The following PLXNA1 variants were observed in gnomAD, a reference collection of about 807,000 sequenced individuals.
PLXNA1 encodes plexin A1.
In PLXNA1, 77 loss-of-function variants were observed where a neutral mutation model predicts 191.7. The ratio of observed to expected loss-of-function variants is 0.40; its 90% CI spans 0.33 to 0.49. PLXNA1 has a LOEUF of 0.49. Ranked by LOEUF, PLXNA1 falls within the 20% of genes least tolerant of loss-of-function variation. The pLI is 0.63. For synonymous variants in PLXNA1, 1,137 were observed against 1,156.4 expected (o/e 0.98, Z 0.34); for missense variants, 2,110 against 2,660.2 (o/e 0.79, Z 4.55).
chr3:126,984,877 T>C (rs924494240), intron 1 of PLXNA1, among the ~76,000 whole-genome samples: 13 of 152,208 alleles, frequency 8.5e-5, no homozygotes. Flanking sequence ...GGGGAAGGCC[T>C]GCAAAGGTAG....
At chr3:127,018,258 A>T in intron 19 of PLXNA1, 36 bp from the exon 20 acceptor site, 1 of 1,526,326 alleles carries the variant, frequency 6.6e-7, no homozygotes. Context: ...TGTGGAAAGC[A>T]TGGGAAGCTC....
intron 19 of PLXNA1, 63 bp downstream of exon 19, chr3:127,017,955 C>G: frequency 6.3e-7 from 1 of 1,588,952 alleles, no homozygotes; most frequent in Non-Finnish European, 8.5e-7. Context: ...GACCCTGCCC[C>G]ACTAGCACAG....
At chr3:126,986,597 T>C (rs1048854100) in intron 1 of PLXNA1, among the ~76,000 whole-genome samples, 2 of 152,180 alleles carry the variant, frequency 1.3e-5, no homozygotes, top group Admixed American at 1.3e-4. Context: ...TGAGTCTTCC[T>C]GGGTCCCTGG....
chr3:126,995,826 G>A (rs1323026709), intron 3 of PLXNA1, among the ~76,000 whole-genome samples: 1 of 152,208 alleles, frequency 6.6e-6, no homozygotes, highest in Non-Finnish European at 1.5e-5. Context: ...CTGGGGCCTT[G>A]GTTTCCTTCC....
At chr3:127,012,317 T>A (rs1288290837) in intron 10 of PLXNA1, among the ~76,000 whole-genome samples, 159 bp downstream of exon 10, 1 of 152,276 alleles carries the variant, frequency 6.6e-6, no homozygotes, top group East Asian at 1.9e-4. Context: ...CCCAGGCCAT[T>A]GCCAGGCCCT....
chr3:127,028,693 T>G, intron 25 of PLXNA1: 1 of 532,900 alleles, frequency 1.9e-6, no homozygotes, highest in East Asian at 3.2e-5. Context: ...GCTGCAGATG[T>G]GACTGGAGAG....
At chr3:127,032,103 C>T (rs1234031749) in intron 29 of PLXNA1, 3 of 423,598 alleles carry the variant, frequency 7.1e-6, no homozygotes, top group Non-Finnish European at 1.3e-5. Flanking sequence ...GAGTGGGCCC[C>T]TGAGGGCCTG....
At chr3:127,011,253 C>T (rs1164473202) in intron 9 of PLXNA1, among the ~76,000 whole-genome samples, 1 of 152,218 alleles carries the variant, frequency 6.6e-6, no homozygotes, top group Non-Finnish European at 1.5e-5. Flanking sequence ...AGCATCCCTG[C>T]AGACCCAGAG....
At chr3:127,026,128 C>T (rs1227915855) in intron 23 of PLXNA1, among the ~76,000 whole-genome samples, 12 of 152,156 alleles carry the variant, frequency 7.9e-5, no homozygotes, top group African/African-American at 7.2e-5. Flanking sequence ...TCCTTTTCCC[C>T]GTCACTGCAC....
intron 21 of PLXNA1, among the ~76,000 whole-genome samples, chr3:127,021,135 G>A (rs2079150418): frequency 6.6e-6 from 1 of 152,152 alleles, no homozygotes; most frequent in Non-Finnish European, 1.5e-5. Flanking sequence ...TTGGTGGGAA[G>A]TCCCTTTTGA....
intron 3 of PLXNA1, among the ~76,000 whole-genome samples, chr3:126,992,112 C>T (rs1272736613): frequency 1.3e-5 from 2 of 152,058 alleles, no homozygotes; most frequent in Non-Finnish European, 2.9e-5. Flanking sequence ...GCTGGCCCCA[C>T]GGTGGCAGGG....
chr3:127,031,858 A>G lies in PLXNA1; in HGVS notation c.5232-529A>G, dbSNP rs187648028. The G allele has an allele frequency of 2.3e-4, 38 of 164,304 alleles. No homozygotes were observed. In the East Asian group the frequency reaches 5.3e-3, roughly 23 times the overall value. The allele number at this position is 164,304 out of a possible 1,614,324, so 10.2% of individuals were successfully genotyped here. On this transcript the variant is annotated intron_variant, in intron 29 of 31. Coordinates refer to ENST00000393409, the MANE Select transcript of PLXNA1 (RefSeq NM_032242.4). ...GGGTGGTGGCTCCTGAGCCTTTGAA[A>G]TGGCACTGGTGTGGCTGAGTGTCTG... is the stretch of plus-strand genomic sequence containing the variant.
chr3:127,006,332 G>A (rs78745973), intron 8 of PLXNA1, among the ~76,000 whole-genome samples, 154 bp downstream of exon 8: 15,443 of 152,160 alleles, frequency 0.1, 1,005 homozygotes, highest in East Asian at 0.24. Flanking sequence ...GAGGCTGGGC[G>A]GTCAGGGAGG....
At chr3:127,015,146 C>A in intron 14 of PLXNA1, 38 bp from the exon 15 acceptor site, 1 of 1,588,302 alleles carries the variant, frequency 6.3e-7, no homozygotes, top group Non-Finnish European at 8.6e-7. Flanking sequence ...CCGAGGGGGA[C>A]TTTCCTGAGA....
chr3:126,992,312 G>T (rs2078994668), intron 3 of PLXNA1, among the ~76,000 whole-genome samples: 1 of 152,144 alleles, frequency 6.6e-6, no homozygotes, highest in African/African-American at 2.4e-5. Context: ...GAAGGGTGGG[G>T]ATACTTGGAC....
At chr3:127,009,995 C>A (rs552885190) in intron 9 of PLXNA1, among the ~76,000 whole-genome samples, 3 of 152,212 alleles carry the variant, frequency 2.0e-5, no homozygotes, top group Non-Finnish European at 2.9e-5. Flanking sequence ...AGTTGCATGC[C>A]CCGCCAGTCA....
chr3:126,987,544 G>A lies in PLXNA1; in HGVS notation c.-73-977G>A, dbSNP rs564990281. Among the ~76,000 whole-genome samples the A allele has an allele frequency of 7.2e-5, 11 of 152,278 alleles. No individual in the cohort carries two copies. In the South Asian group the frequency reaches 2.3e-3, roughly 32 times the overall value. Reference sequence around the variant, plus strand: ...TGACCAGGAAGTGAGGGCCCGATGTGGAGCAAGGCAGGAGGGGGCCACACA... The same window carrying A: ...TGACCAGGAAGTGAGGGCCCGATGTAGAGCAAGGCAGGAGGGGGCCACACA... On this transcript the variant is annotated intron_variant, in intron 1 of 31. Transcript: ENST00000393409.
Position 127,000,305 on chromosome 3 carries a change from G to A in PLXNA1, c.1378-3025G>A, listed in dbSNP as rs202191317. Among the ~76,000 whole-genome samples the A allele has an allele frequency of 1.6e-4, 25 of 152,278 alleles. No homozygotes were observed. The East Asian group carries it at 4.6e-3, about 28-fold the overall frequency. On this transcript the variant is annotated intron_variant, in intron 3 of 31. Transcript: ENST00000393409. ...CCGGGACACGTCAAGCCTCTCATTTGCTCTGCCAGCTGCCCAGCTGCTGTG... is the reference window on the plus strand; with the variant it reads ...CCGGGACACGTCAAGCCTCTCATTTACTCTGCCAGCTGCCCAGCTGCTGTG...
Position 127,014,549 on chromosome 3 carries a change from ATT to A in PLXNA1, c.2677_2678del (p.Phe893ArgfsTer30). The A allele has an allele frequency of 6.2e-7, 1 of 1,611,902 alleles. No individual in the cohort carries two copies. Among genetic ancestry groups the A allele is most frequent in the Non-Finnish European group, 8.5e-7 (1 of 1,179,842 alleles). ...TITGENLGLR[F>X]EDVRLGVRVG... ...TCACAGGCGAGAACCTGGGCCTGCG[ATT>A]CGAAGACGTGCGTCTGGGCGTGCGC... On this transcript the variant is annotated frameshift_variant, in exon 13 of 32. Transcript: ENST00000393409. LOFTEE classifies it high-confidence loss of function.
Sources: allele counts gnomAD v4.1 joint callset (sites outside exome capture counted in the v4.1 genomes callset), GRCh38; gene constraint gnomAD v4.1.1; transcripts MANE v1.5; gene names NCBI Gene and HGNC (gene_info 2026-07-23, HGNC 2026-07-21).